COX10: variants seen among roughly 807,000 people sequenced by gnomAD.
COX10 encodes cytochrome c oxidase assembly factor heme A:farnesyltransferase COX10, also known as protoheme IX farnesyltransferase, mitochondrial.
In COX10, 27 loss-of-function variants were observed where a neutral mutation model predicts 37.3. The ratio of observed to expected loss-of-function variants is 0.72; its 90% CI spans 0.53 to 1.00. The LOEUF (loss-of-function observed/expected upper bound fraction) is 1.00, where lower values mean the gene tolerates loss of function less well. Ranked by LOEUF, COX10 falls within the 50% of genes least tolerant of loss-of-function variation. The pLI, the probability that COX10 is intolerant of heterozygous loss-of-function variation, is 0.00. For synonymous variants in COX10, 222 were observed against 229.1 expected (o/e 0.97, Z 0.28); for missense variants, 475 against 563.2 (o/e 0.84, Z 1.59).
intron 4 of COX10, among the ~76,000 whole-genome samples, chr17:14,112,355 A>G (rs1916021639): frequency 6.6e-6 from 1 of 152,170 alleles, no homozygotes; most frequent in Admixed American, 6.6e-5. Context: ...TCACCCACCT[A>G]TTAGAAAGTA....
chr17:14,070,001 A>G (rs1479417413), intron 1 of COX10, among the ~76,000 whole-genome samples: 1 of 152,236 alleles, frequency 6.6e-6, no homozygotes, highest in Non-Finnish European at 1.5e-5. Flanking sequence ...GCTTCTAGCC[A>G]CTGGCTTGCA....
chr17:14,155,168 T>C (rs1229143697), intron 4 of COX10, among the ~76,000 whole-genome samples: 2 of 151,994 alleles, frequency 1.3e-5, no homozygotes, highest in Non-Finnish European at 2.9e-5. Context: ...AGTTGGCCAA[T>C]GCATGGAAGA....
chr17:14,073,724 G>C (rs1915081682), intron 1 of COX10, among the ~76,000 whole-genome samples: 1 of 152,172 alleles, frequency 6.6e-6, no homozygotes, highest in Non-Finnish European at 1.5e-5. Flanking sequence ...TCTATGGCTT[G>C]TCGGAGGCTT....
rs773214439 is a variant in COX10, at chr17:14,069,558, GGA to G, written c.-42_-41del. The G allele has an allele frequency of 7.5e-6, 12 of 1,608,852 alleles. No homozygotes were observed. The East Asian group carries it at 8.9e-5, about 12-fold the overall frequency. ...GATGGCGGCGCCCAGCGTCCCGTGA[GGA>G]GAGAGGACACAGGGATCCCGGGGAG... is the stretch of plus-strand genomic sequence containing the variant. On this transcript the variant is annotated 5_prime_UTR_variant, in exon 1 of 7. Coordinates refer to ENST00000261643, the MANE Select transcript of COX10 (RefSeq NM_001303.4).
chr17:14,166,324 A>G (rs948294337), intron 5 of COX10, among the ~76,000 whole-genome samples: 1 of 152,210 alleles, frequency 6.6e-6, no homozygotes, highest in African/African-American at 2.4e-5. Context: ...CTCATTTACC[A>G]TTCCAAAAAT....
intron 5 of COX10, among the ~76,000 whole-genome samples, chr17:14,166,686 A>G (rs149525433): frequency 0.021 from 2,880 of 134,208 alleles, 52 homozygotes; most frequent in Middle Eastern, 0.053. Context: ...ATCTCAGCTC[A>G]CTGCAACCTC....
intron 3 of COX10, among the ~76,000 whole-genome samples, chr17:14,086,954 A>G (rs1029248733): frequency 3.9e-5 from 6 of 152,140 alleles, no homozygotes; most frequent in African/African-American, 1.4e-4. Flanking sequence ...ATTTTGTTCC[A>G]TCTATTTATT....
At chr17:14,078,492 G>A (rs1413560374) in intron 3 of COX10, among the ~76,000 whole-genome samples, 1 of 151,926 alleles carries the variant, frequency 6.6e-6, no homozygotes, top group Non-Finnish European at 1.5e-5. Flanking sequence ...TTCACTTTTT[G>A]CTCTCCGCTC....
intron 6 of COX10, among the ~76,000 whole-genome samples, chr17:14,205,976 A>C (rs887710504): frequency 2.0e-5 from 3 of 152,096 alleles, no homozygotes; most frequent in African/African-American, 7.2e-5. Flanking sequence ...AAAATTACAA[A>C]GCCATAGACA....
chr17:14,177,007 G>A (rs1172333349), intron 5 of COX10: 15 of 367,486 alleles, frequency 4.1e-5, no homozygotes, highest in Admixed American at 4.5e-5. Flanking sequence ...TAGCTAAAAT[G>A]CCATTTAATG....
chr17:14,074,449 A>G lies in COX10; in HGVS notation c.170A>G (p.Lys57Arg), dbSNP rs1915098797. 6.2e-7 allele frequency: 1 copy of G among 1,613,114 alleles called. No individual in the cohort carries two copies. ...ACATTTCAGCACTTTAGCTTCCTCAAACGCATGGTATGTTTAGAAGACCAT... is the reference window on the plus strand; with the variant it reads ...ACATTTCAGCACTTTAGCTTCCTCAGACGCATGGTATGTTTAGAAGACCAT... ...WITFQHFSFLKRMYVTQLNRS... is the reference protein window; with the variant it reads ...WITFQHFSFLRRMYVTQLNRS... Residue 57 changes from lysine to arginine, a missense_variant, in exon 2 of 7, where the codon AAA becomes AGA. Transcript: ENST00000261643.
chr17:14,137,002 G>A (rs918134259), intron 4 of COX10, among the ~76,000 whole-genome samples: 1 of 151,824 alleles, frequency 6.6e-6, no homozygotes, highest in East Asian at 1.9e-4. Context: ...GGCCAAGTCT[G>A]TGTGAGGTGG....
intron 4 of COX10, among the ~76,000 whole-genome samples, chr17:14,157,676 C>A (rs1785997087): frequency 2.0e-5 from 3 of 152,192 alleles, no homozygotes; most frequent in Non-Finnish European, 4.4e-5. Flanking sequence ...ATTTCCTAAT[C>A]TGGGGTCTTC....
chr17:14,083,800 A>G (rs1278551469), intron 3 of COX10, among the ~76,000 whole-genome samples: 1 of 152,204 alleles, frequency 6.6e-6, no homozygotes, highest in Non-Finnish European at 1.5e-5. Flanking sequence ...AGTTTGTTGC[A>G]TGGACCACAC....
At position 14,163,236 on chromosome 17, in the gene COX10, A is replaced by AATTTATTTATTTATTTATTTATTT. The variant is rs56320518; in HGVS notation, c.695+3303_695+3326dup. Among the ~76,000 whole-genome samples the AATTTATTTATTTATTTATTTATTT allele has an allele frequency of 7.6e-4, 111 of 146,560 alleles. 2 individuals carry two copies. The highest frequency in any genetic ancestry group is 1.6e-3 in the Admixed American group (24 of 14,704). ...ATAGAAGCATGGCATAAGACAGGAA[A>AATTTATTTATTTATTTATTTATTT]ATTTATTTATTTATTTATTTATTTA... On this transcript the variant is annotated intron_variant, in intron 5 of 6. Coordinates refer to ENST00000261643, the MANE Select transcript of COX10 (RefSeq NM_001303.4).
chr17:14,182,058 C>G (rs1165337192), intron 5 of COX10: 34 of 979,984 alleles, frequency 3.5e-5, no homozygotes, highest in Non-Finnish European at 4.1e-5. Context: ...TAACAGGATT[C>G]TTTCAGTCAG....
intron 5 of COX10, among the ~76,000 whole-genome samples, chr17:14,188,352 T>C (rs1309971213): frequency 6.6e-6 from 1 of 151,866 alleles, no homozygotes; most frequent in Non-Finnish European, 1.5e-5. Context: ...GAGGTATCTT[T>C]GTAATCTTTC....
intron 6 of COX10, among the ~76,000 whole-genome samples, chr17:14,197,925 ATTTTCCTCTCAGCCTCAGAGTTAGGCC>A (rs1906416574): frequency 6.6e-6 from 1 of 152,076 alleles, no homozygotes; most frequent in African/African-American, 2.4e-5. Flanking sequence ...ACTTGTGTCC[ATTTTCCTCTCAGCCTCAGAGTTAGGCC>A]TTTTCCTCTC....
chr17:14,132,280 G>A (rs1013206573), intron 4 of COX10, among the ~76,000 whole-genome samples: 1 of 151,876 alleles, frequency 6.6e-6, no homozygotes, highest in African/African-American at 2.4e-5. Flanking sequence ...CCTAACATAC[G>A]TATATGATAC....
Sources: allele counts gnomAD v4.1 joint callset (sites outside exome capture counted in the v4.1 genomes callset), GRCh38; gene constraint gnomAD v4.1.1; transcripts MANE v1.5; gene names NCBI Gene and HGNC (gene_info 2026-07-23, HGNC 2026-07-21).